ROBO1: variants seen among roughly 807,000 people sequenced by gnomAD.
The protein encoded by ROBO1 is roundabout guidance receptor 1, also known as roundabout homolog 1.
A neutral mutation model predicts 195.9 loss-of-function variants in ROBO1; 149 were observed. That is an observed-to-expected ratio of 0.76 (90% CI 0.67 to 0.87). ROBO1 has a LOEUF of 0.87. ROBO1 is among the 40% of genes least tolerant of loss of function. The pLI, the probability that ROBO1 is intolerant of heterozygous loss-of-function variation, is 0.00. For synonymous variants in ROBO1, 816 were observed against 733.2 expected (o/e 1.11, Z -1.82); for missense variants, 1,933 against 2,068.3 (o/e 0.93, Z 1.27).
chr3:78,778,193 C>G (rs187638051), intron 4 of ROBO1, among the ~76,000 whole-genome samples: 476 of 152,206 alleles, frequency 3.1e-3, no homozygotes, highest in Admixed American at 7.0e-3. Flanking sequence ...CTGACTTGAT[C>G]GTGGTGGATA....
intron 29 of ROBO1, among the ~76,000 whole-genome samples, chr3:78,603,437 T>A (rs1342259982): frequency 6.6e-6 from 1 of 152,178 alleles, no homozygotes; most frequent in African/African-American, 2.4e-5. Flanking sequence ...AAAATATCTA[T>A]GAATTTATAG....
intron 5 of ROBO1, among the ~76,000 whole-genome samples, chr3:78,729,254 T>C (rs1039379041): frequency 6.6e-6 from 1 of 152,232 alleles, no homozygotes; most frequent in African/African-American, 2.4e-5. Context: ...TGTTGCTAAT[T>C]GCACGTAAGT....
At chr3:79,525,320 G>T (rs901186065) in intron 2 of ROBO1, among the ~76,000 whole-genome samples, 3 of 148,872 alleles carry the variant, frequency 2.0e-5, no homozygotes, top group African/African-American at 7.4e-5. Flanking sequence ...ATGTAAAATG[G>T]TTCTAATAAA....
At chr3:79,682,757 A>G (rs1209715016) in intron 1 of ROBO1, among the ~76,000 whole-genome samples, 1 of 152,034 alleles carries the variant, frequency 6.6e-6, no homozygotes, top group African/African-American at 2.4e-5. Context: ...TTACTTGGGC[A>G]TAACCGCATG....
At chr3:78,615,774 A>T (rs746838894) in intron 27 of ROBO1, among the ~76,000 whole-genome samples, 3 of 152,236 alleles carry the variant, frequency 2.0e-5, no homozygotes, top group Non-Finnish European at 2.9e-5. Context: ...CAACACATTT[A>T]AAGATGATAA....
chr3:79,517,177 T>A (rs890529687), intron 2 of ROBO1, among the ~76,000 whole-genome samples: 7 of 152,238 alleles, frequency 4.6e-5, no homozygotes, highest in Non-Finnish European at 5.9e-5. Flanking sequence ...TCACTCGTTC[T>A]CATTTTTATT....
At chr3:78,703,829 AT>A (rs2081479974) in intron 8 of ROBO1, among the ~76,000 whole-genome samples, 2 of 151,922 alleles carry the variant, frequency 1.3e-5, no homozygotes, top group Non-Finnish European at 2.9e-5. Context: ...ACACACATAT[AT>A]ATATATAAAA....
chr3:78,643,620 A>G (rs538647977), intron 21 of ROBO1, among the ~76,000 whole-genome samples: 2 of 152,148 alleles, frequency 1.3e-5, no homozygotes, highest in Non-Finnish European at 2.9e-5. Flanking sequence ...AAGTCTGCAG[A>G]GACCTAGAGC....
intron 1 of ROBO1, among the ~76,000 whole-genome samples, chr3:79,625,106 A>C (rs2107996329): frequency 6.6e-6 from 1 of 152,256 alleles, no homozygotes; most frequent in East Asian, 1.9e-4. Flanking sequence ...AATCCTGGGT[A>C]AATAGTAAAA....
In ROBO1 at chr3:78,636,112, T is replaced by C. The variant is rs760454888; in HGVS notation, c.3038-4A>G. ...TTATAATTTGCTATACAATCAGCTA[T>C]GTGCAATGGAGAGGAAAAGGAAAAA... On this transcript the variant is annotated splice_polypyrimidine_tract_variant and splice_region_variant and intron_variant, in intron 22 of 30. Transcript: ENST00000464233. 18 of 1,588,206 alleles carry C rather than the reference T, an allele frequency of 1.1e-5. No individual in the cohort carries two copies. In the East Asian group the frequency reaches 2.9e-4, roughly 26 times the overall value.
At chr3:78,802,363 T>G (rs1421078100) in intron 4 of ROBO1, among the ~76,000 whole-genome samples, 1 of 152,174 alleles carries the variant, frequency 6.6e-6, no homozygotes, top group African/African-American at 2.4e-5. Flanking sequence ...CAGATTTAAC[T>G]ATTCACATTT....
In ROBO1 at chr3:79,653,831, A is replaced by G. The variant is rs1188594962; in HGVS notation, c.-50-63870T>C. 2.0e-5 allele frequency among the ~76,000 whole-genome samples: 3 copies of G among 152,102 alleles called. No individual in the cohort carries two copies. The East Asian group carries it at 5.8e-4, about 30-fold the overall frequency. ...CTCTAGTTCTATTCATCTATACAGT[A>G]TTATCAAAAGGTATAGCTGGTAGCT... On this transcript the variant is annotated intron_variant, in intron 1 of 30. Coordinates refer to ENST00000464233, the MANE Select transcript of ROBO1 (RefSeq NM_002941.4).
intron 4 of ROBO1, among the ~76,000 whole-genome samples, chr3:78,841,903 T>C (rs2033232684): frequency 6.6e-6 from 1 of 152,042 alleles, no homozygotes; most frequent in African/African-American, 2.4e-5. Flanking sequence ...GCATGATTTA[T>C]CAATTTTAAT....
chr3:79,455,161 C>G (rs2039577430), intron 2 of ROBO1, among the ~76,000 whole-genome samples: 2 of 151,728 alleles, frequency 1.3e-5, no homozygotes, highest in Admixed American at 1.3e-4. Flanking sequence ...ACACAGAAGA[C>G]TCTTGTAACA....
intron 2 of ROBO1, among the ~76,000 whole-genome samples, chr3:79,577,717 AACACACACACACAC>A (rs58998352): frequency 2.8e-4 from 39 of 140,720 alleles, no homozygotes; most frequent in African/African-American, 7.8e-4. Context: ...CTTTACTAAA[AACACACACACACAC>A]ACACACACAC....
intron 8 of ROBO1, among the ~76,000 whole-genome samples, chr3:78,704,398 T>C (rs534649318): frequency 6.6e-6 from 1 of 152,080 alleles, no homozygotes; most frequent in South Asian, 2.1e-4. Context: ...AAGTTAAACA[T>C]AGTGAACTCT....
chr3:79,628,910 T>C (rs1379236742), intron 1 of ROBO1, among the ~76,000 whole-genome samples: 2 of 152,164 alleles, frequency 1.3e-5, no homozygotes, highest in Non-Finnish European at 2.9e-5. Context: ...AGGAAGTCAT[T>C]GTATAATGAC....
chr3:78,859,923 C>T (rs2034689089), intron 4 of ROBO1, among the ~76,000 whole-genome samples: 1 of 151,880 alleles, frequency 6.6e-6, no homozygotes, highest in Admixed American at 6.6e-5. Flanking sequence ...ACTAAAAATA[C>T]AAAAAATTAG....
chr3:79,606,985 G>A (rs537603824), intron 1 of ROBO1, among the ~76,000 whole-genome samples: 39 of 151,852 alleles, frequency 2.6e-4, no homozygotes, highest in African/African-American at 8.9e-4. Context: ...AAAATCCCAT[G>A]ATTGTCCTTA....
Sources: gnomAD v4.1 joint callset for allele counts (sites outside exome capture counted in the v4.1 genomes callset) on GRCh38, gnomAD v4.1.1 for gene constraint, MANE v1.5 for transcripts, NCBI Gene and HGNC (gene_info 2026-07-23, HGNC 2026-07-21) for gene names.